The following DLC1 variants were observed in gnomAD, a reference collection of about 807,000 sequenced individuals.
The protein encoded by DLC1 is DLC1 Rho GTPase activating protein.
Under a neutral mutation model 140.3 loss-of-function variants are expected in DLC1, and 54 were observed. The observed-to-expected ratio is 0.38, with a 90% CI of 0.31 to 0.48. The LOEUF (loss-of-function observed/expected upper bound fraction) is 0.48. Ranked by LOEUF, DLC1 falls within the 20% of genes least tolerant of loss-of-function variation. The pLI, the probability that DLC1 is intolerant of heterozygous loss-of-function variation, is 0.96. For synonymous variants in DLC1, 986 were observed against 728.1 expected, an observed-to-expected ratio of 1.35 and a Z score of -5.70; for missense variants, 2,536 against 1,907.0, an observed-to-expected ratio of 1.33 and a Z score of -6.14.
At chr8:13,245,910 C>T (rs962053711) in intron 5 of DLC1, among the ~76,000 whole-genome samples, 3 of 152,060 alleles carry the variant, frequency 2.0e-5, no homozygotes, top group African/African-American at 7.2e-5. Context: ...CCATGTTGGA[C>T]AGGCTGGTCT....
chr8:13,231,590 G>A (rs941798689), intron 5 of DLC1, among the ~76,000 whole-genome samples: 2 of 152,162 alleles, frequency 1.3e-5, no homozygotes, highest in African/African-American at 2.4e-5. Context: ...ATTTTGATTG[G>A]TCTACAATTC....
At chr8:13,304,253 C>A (rs1832325538) in intron 5 of DLC1, among the ~76,000 whole-genome samples, 1 of 152,092 alleles carries the variant, frequency 6.6e-6, no homozygotes, top group Admixed American at 6.5e-5. Flanking sequence ...GATATTAGTA[C>A]ATTGTTATGT....
At chr8:13,215,719 TCATAATC>T (rs1202312961) in intron 5 of DLC1, among the ~76,000 whole-genome samples, 2 of 152,214 alleles carry the variant, frequency 1.3e-5, no homozygotes, top group African/African-American at 4.8e-5. Context: ...CAGGGAAACT[TCATAATC>T]CATATTTTCT....
intron 5 of DLC1, among the ~76,000 whole-genome samples, chr8:13,212,860 C>G (rs545065059): frequency 1.3e-5 from 2 of 152,168 alleles, no homozygotes; most frequent in Non-Finnish European, 2.9e-5. Context: ...TTCCGTTTGA[C>G]TAAATGTTTG....
intron 5 of DLC1, among the ~76,000 whole-genome samples, chr8:13,139,105 A>T (rs1452644248): frequency 1.3e-5 from 2 of 151,804 alleles, no homozygotes; most frequent in Non-Finnish European, 2.9e-5. Context: ...CAACACAAGG[A>T]GACCCCATCT....
At chr8:13,150,186 G>A (rs903829195) in intron 5 of DLC1, among the ~76,000 whole-genome samples, 1 of 152,196 alleles carries the variant, frequency 6.6e-6, no homozygotes, top group Non-Finnish European at 1.5e-5. Context: ...TATGGGTTGC[G>A]TCTGGGGAGG....
intron 4 of DLC1, among the ~76,000 whole-genome samples, chr8:13,378,812 G>C (rs1221504755): frequency 6.6e-6 from 1 of 152,034 alleles, no homozygotes; most frequent in African/African-American, 2.4e-5. Flanking sequence ...TCATGTCCTA[G>C]TAATGTCCCT....
chr8:13,238,699 C>T (rs1829404704), intron 5 of DLC1, among the ~76,000 whole-genome samples: 1 of 152,156 alleles, frequency 6.6e-6, no homozygotes, highest in South Asian at 2.1e-4. Flanking sequence ...CTCTCCTAGG[C>T]TGGGAGTCAC....
chr8:13,276,268 G>A, intron 5 of DLC1: 1 of 1,535,148 alleles, frequency 6.5e-7, no homozygotes, highest in Non-Finnish European at 8.7e-7. Flanking sequence ...TCACCTGCCA[G>A]CCGTCTGTCT....
chr8:13,544,063 A>G (rs1442902936), intron 1 of DLC1, among the ~76,000 whole-genome samples: 2 of 152,146 alleles, frequency 1.3e-5, no homozygotes, highest in Non-Finnish European at 2.9e-5. Flanking sequence ...TAAAATGATA[A>G]AAATAATGGT....
At chr8:13,367,237 A>C (rs893581544) in intron 4 of DLC1, among the ~76,000 whole-genome samples, 1 of 152,144 alleles carries the variant, frequency 6.6e-6, no homozygotes, top group Non-Finnish European at 1.5e-5. Context: ...TCAGTTTTAC[A>C]AGGAGAAGGG....
At chr8:13,519,239 T>TGCCTCA (rs1232838018), upstream of DLC1, among the ~76,000 whole-genome samples, 3 of 148,118 alleles carry the variant, frequency 2.0e-5, no homozygotes, top group Non-Finnish European at 4.5e-5. Flanking sequence ...GCCATTCTCC[T>TGCCTCA]GCCTCAGCCT....
chr8:13,394,331 A>C (rs1836917050), intron 3 of DLC1, among the ~76,000 whole-genome samples: 1 of 152,228 alleles, frequency 6.6e-6, no homozygotes, highest in African/African-American at 2.4e-5. Context: ...AGCATAAAGC[A>C]AAGTGCTGGT....
rs557458256 is a variant in DLC1 at position 13,538,194 on chromosome 8, T to G, written c.-125-37998A>C. Among the ~76,000 whole-genome samples the G allele has an allele frequency of 1.2e-4, 18 of 152,114 alleles. 1 individual carries two copies. The highest frequency in any genetic ancestry group is 3.3e-4 in the Admixed American group (5 of 15,266). ...CTGGAAAGTGGGAGCAGAGATAATA[T>G]GACGACCACCTGAGCTTTCATGCTG... On this transcript the variant is annotated intron_variant, in intron 1 of 1. Transcript: ENST00000631382.
At chr8:13,157,656 G>A (rs570061907) in intron 5 of DLC1, among the ~76,000 whole-genome samples, 1 of 152,246 alleles carries the variant, frequency 6.6e-6, no homozygotes, top group African/African-American at 2.4e-5. Flanking sequence ...TCTAAAAAGG[G>A]ATGTCTTCAA....
At position 13,305,112 on chromosome 8, in the gene DLC1, A is replaced by G. The variant is rs1309493919; in HGVS notation, c.1348+157T>C. ...AAAACCACGTATATTTTTCTTACAT[A>G]TTGAGCAAAACAAATTTCTTTTACA... On this transcript the variant is annotated intron_variant, in intron 5 of 17. Coordinates refer to ENST00000276297, the MANE Select transcript of DLC1 (RefSeq NM_182643.3). 1.1e-5 allele frequency: 15 copies of G among 1,325,014 alleles called. No homozygotes were observed. In the East Asian group the frequency reaches 2.8e-4, roughly 25 times the overall value. 82.1% of individuals were successfully genotyped at this position (1,325,014 alleles called of 1,614,324 possible).
At chr8:13,352,553 T>C (rs1165116910) in intron 4 of DLC1, among the ~76,000 whole-genome samples, 2 of 152,108 alleles carry the variant, frequency 1.3e-5, no homozygotes, top group African/African-American at 4.8e-5. Flanking sequence ...GACTCATTTT[T>C]TATTTTTTGT....
chr8:13,578,035 T>A (rs540446127), intron 1 of DLC1, among the ~76,000 whole-genome samples: 1 of 152,150 alleles, frequency 6.6e-6, no homozygotes, highest in East Asian at 1.9e-4. Context: ...TAATTCCTAC[T>A]CTCACACACT....
intron 2 of DLC1, among the ~76,000 whole-genome samples, chr8:13,413,730 C>T (rs376285810): frequency 1.6e-4 from 25 of 152,222 alleles, no homozygotes; most frequent in East Asian, 1.4e-3. Context: ...CTATTGCTGT[C>T]TCCTGCCACC....
Sources: allele counts gnomAD v4.1 joint callset (sites outside exome capture counted in the v4.1 genomes callset), GRCh38; gene constraint gnomAD v4.1.1; transcripts MANE v1.5; gene names NCBI Gene and HGNC (gene_info 2026-07-23, HGNC 2026-07-21).